USP45: variants seen among roughly 807,000 people sequenced by gnomAD.
USP45 encodes ubiquitin carboxyl-terminal hydrolase 45.
Under a neutral mutation model 95.8 loss-of-function variants are expected in USP45, and 89 were observed. The observed-to-expected ratio is 0.93, with a 90% CI of 0.78 to 1.11. USP45 has a LOEUF of 1.11. USP45 is among the 50% of genes least tolerant of loss of function. USP45 has a pLI of 0.00. For synonymous variants in USP45, 281 were observed against 316.2 expected, an observed-to-expected ratio of 0.89 and a Z score of 1.18; for missense variants, 898 against 942.5, an observed-to-expected ratio of 0.95 and a Z score of 0.62.
At chr6:99,450,030 AGT>A (rs1012426926) in intron 13 of USP45, among the ~76,000 whole-genome samples, 1 of 152,230 alleles carries the variant, frequency 6.6e-6, no homozygotes, top group Non-Finnish European at 1.5e-5. Context: ...CATTTAAAGC[AGT>A]GTGTAGAGGG....
At chr6:99,502,828 G>A (rs1423556856) in intron 5 of USP45, among the ~76,000 whole-genome samples, 3 of 152,078 alleles carry the variant, frequency 2.0e-5, no homozygotes, top group African/African-American at 2.4e-5. Context: ...CTACCTCCTC[G>A]TCTATCTTTT....
intron 8 of USP45, among the ~76,000 whole-genome samples, chr6:99,477,689 C>T (rs985774844): frequency 2.0e-5 from 3 of 152,058 alleles, no homozygotes; most frequent in Non-Finnish European, 4.4e-5. Flanking sequence ...AAAGTGAGTC[C>T]CTGACTGCTA....
chr6:99,475,050 A>C (rs1228297414), intron 9 of USP45, among the ~76,000 whole-genome samples: 3 of 152,178 alleles, frequency 2.0e-5, no homozygotes, highest in Admixed American at 2.0e-4. Flanking sequence ...CTGATCCATG[A>C]GTGGAATTTA....
Position 99,465,141 on chromosome 6 carries a change from A to C in USP45, c.1108-5T>G. The C allele has an allele frequency of 6.3e-7, 1 of 1,586,842 alleles. No homozygotes were observed. Among genetic ancestry groups the C allele is most frequent in the Non-Finnish European group, 8.6e-7 (1 of 1,163,752 alleles). Reference sequence around the variant, plus strand: ...TGGATCTTTCACCGTGGAGATCTTAAAAGGAAAACACATTGAAAACTTCAG... The same window carrying C: ...TGGATCTTTCACCGTGGAGATCTTACAAGGAAAACACATTGAAAACTTCAG... On this transcript the variant is annotated splice_polypyrimidine_tract_variant and splice_region_variant and intron_variant, in intron 11 of 17. Coordinates refer to ENST00000500704, the MANE Select transcript of USP45 (RefSeq NM_001346022.3).
rs56121215 is a variant in USP45 at position 99,479,163 on chromosome 6, T to TAC, written c.846-2935_846-2934dup. ...ATGAATGTATGTATATATACATATA[T>TAC]ACACACACACACACACACACACATA... On this transcript the variant is annotated intron_variant, in intron 8 of 17. Coordinates refer to ENST00000500704, the MANE Select transcript of USP45 (RefSeq NM_001346022.3). Among the ~76,000 whole-genome samples the TAC allele has an allele frequency of 3.6e-3, 523 of 144,520 alleles. 4 individuals are homozygous for TAC. Among genetic ancestry groups the TAC allele is most frequent in the African/African-American group, 0.012 (487 of 40,290 alleles). 94.8% of individuals were successfully genotyped at this position (144,520 alleles called of 152,430 possible).
intron 5 of USP45, among the ~76,000 whole-genome samples, chr6:99,499,355 T>C (rs1247407757): frequency 2.6e-5 from 4 of 152,242 alleles, no homozygotes; most frequent in African/African-American, 7.2e-5. Flanking sequence ...GATTACCATT[T>C]AGTGCAAAAT....
At chr6:99,501,950 A>C in intron 5 of USP45, 8 of 1,301,100 alleles carry the variant, frequency 6.1e-6, no homozygotes, top group Non-Finnish European at 8.1e-6. Flanking sequence ...CAACAAACTG[A>C]CTCACTGTGG....
At chr6:99,470,122 AGG>A (rs67901305) in intron 9 of USP45, among the ~76,000 whole-genome samples, 22,276 of 152,090 alleles carry the variant, frequency 0.15, 2,336 homozygotes, top group Non-Finnish European at 0.21. Flanking sequence ...CAGATATGAG[AGG>A]TAAAGAACCC....
At chr6:99,465,403 CTG>C (rs1227612131) in intron 11 of USP45, among the ~76,000 whole-genome samples, 4 of 152,038 alleles carry the variant, frequency 2.6e-5, no homozygotes, top group Admixed American at 2.0e-4. Context: ...CTTAAAAAAA[CTG>C]TTTAATAAAA....
chr6:99,479,857 A>AT (rs377456509), intron 8 of USP45, among the ~76,000 whole-genome samples: 1 of 151,862 alleles, frequency 6.6e-6, no homozygotes, highest in Non-Finnish European at 1.5e-5. Context: ...GTCCTTTTTC[A>AT]TTTTTTTTCC....
At chr6:99,448,262 G>T (rs564967311) in intron 13 of USP45, among the ~76,000 whole-genome samples, 1 of 152,226 alleles carries the variant, frequency 6.6e-6, no homozygotes, top group Admixed American at 6.5e-5. Flanking sequence ...GAGGAAGTTC[G>T]AACCCAATGC....
intron 10 of USP45, chr6:99,468,303 A>C: frequency 1.9e-6 from 1 of 519,782 alleles, no homozygotes; most frequent in African/African-American, 1.9e-5. Context: ...ACATAAAGGT[A>C]TCGGTGTCAA....
At chr6:99,457,546 C>A (rs917787370) in intron 13 of USP45, among the ~76,000 whole-genome samples, 3 of 152,094 alleles carry the variant, frequency 2.0e-5, no homozygotes, top group Admixed American at 2.0e-4. Context: ...ATCACATATA[C>A]CTCATAAATA....
intron 2 of USP45, 138 bp downstream of exon 2, chr6:99,509,983 T>G: frequency 1.5e-6 from 1 of 658,582 alleles, no homozygotes; most frequent in South Asian, 1.9e-5. Context: ...CCAAGAATAG[T>G]GTATTTTCCA....
chr6:99,444,522 C>T (rs1007818840), intron 14 of USP45, among the ~76,000 whole-genome samples: 2 of 152,252 alleles, frequency 1.3e-5, no homozygotes, highest in Non-Finnish European at 1.5e-5. Flanking sequence ...CATATGCATG[C>T]CTGTCACATG....
chr6:99,461,717 C>A (rs1786504363), intron 13 of USP45: 10 of 984,942 alleles, frequency 1.0e-5, no homozygotes, highest in Non-Finnish European at 1.2e-5. Context: ...GTAAAAAACT[C>A]AAAAACTTAT....
chr6:99,514,783 T>C (rs770544193), intron 1 of USP45: 18 of 152,254 alleles, frequency 1.2e-4, no homozygotes, highest in Non-Finnish European at 2.5e-4. Flanking sequence ...GCAGCACTTA[T>C]GGTTTTGCTG....
chr6:99,500,069 C>A (rs777707773), intron 5 of USP45, among the ~76,000 whole-genome samples: 30 of 152,210 alleles, frequency 2.0e-4, no homozygotes, highest in Non-Finnish European at 4.1e-4. Flanking sequence ...TGGGGTCACA[C>A]ACCTAGTGAC....
chr6:99,509,842 G>T lies in USP45; in HGVS notation c.100+279C>A, dbSNP rs369781437. ...TTCCCTCAGATACTTGAGGCAGGGA[G>T]GTGGGGTGGGGTAGTTGGTTCTAGG... is the stretch of plus-strand genomic sequence containing the variant. On this transcript the variant is annotated intron_variant, in intron 2 of 17. Coordinates refer to ENST00000500704, the MANE Select transcript of USP45 (RefSeq NM_001346022.3). Among the ~76,000 whole-genome samples the T allele has an allele frequency of 9.3e-4, 142 of 152,218 alleles. 2 individuals carry two copies. The South Asian group carries it at 0.013, about 14-fold the overall frequency.
Sources: gnomAD v4.1 joint callset for allele counts (sites outside exome capture counted in the v4.1 genomes callset) on GRCh38, gnomAD v4.1.1 for gene constraint, MANE v1.5 for transcripts, NCBI Gene and HGNC (gene_info 2026-07-23, HGNC 2026-07-21) for gene names.